Variants in SHISA9 observed in about 807,000 individuals in gnomAD.
SHISA9 encodes the protein protein shisa-9.
In SHISA9, 13 loss-of-function variants were observed where a neutral mutation model predicts 38.0. That is an observed-to-expected ratio of 0.34 (90% CI 0.22 to 0.54). The LOEUF (loss-of-function observed/expected upper bound fraction) is 0.54. SHISA9 is among the 20% of genes least tolerant of loss of function. The pLI is 0.91. For synonymous variants in SHISA9, 275 were observed against 242.0 expected, an observed-to-expected ratio of 1.14 and a Z score of -1.27; for missense variants, 538 against 575.8, an observed-to-expected ratio of 0.93 and a Z score of 0.67.
chr16:13,220,258 G>A (rs2051210260), intron 4 of SHISA9, among the ~76,000 whole-genome samples: 1 of 152,122 alleles, frequency 6.6e-6, no homozygotes, highest in South Asian at 2.1e-4. Context: ...GGTTTTAACT[G>A]GAATGACTTG....
At chr16:13,293,224 G>A in the SHISA9 span, among the ~76,000 whole-genome samples, 40 of 152,030 alleles carry the variant, frequency 2.6e-4, no homozygotes, top group African/African-American at 8.2e-4. Flanking sequence ...TTGTTTATCT[G>A]ACCCACAACA....
At chr16:13,431,249 A>G in the SHISA9 span, among the ~76,000 whole-genome samples, 1 of 152,194 alleles carries the variant, frequency 6.6e-6, no homozygotes, top group African/African-American at 2.4e-5. Flanking sequence ...GCTCTTCTAA[A>G]ACAGAAACTC....
the SHISA9 span, among the ~76,000 whole-genome samples, chr16:13,335,391 G>A: frequency 2.6e-5 from 4 of 152,116 alleles, no homozygotes; most frequent in East Asian, 1.9e-4. Flanking sequence ...TTCTGGTTCC[G>A]CTTCCATCAT....
At chr16:13,477,763 A>T in the SHISA9 span, among the ~76,000 whole-genome samples, 1 of 152,172 alleles carries the variant, frequency 6.6e-6, no homozygotes, top group Non-Finnish European at 1.5e-5. Context: ...TCAGCAGTTC[A>T]AGACCAGCCT....
rs919783242 is a variant in SHISA9, at chr16:13,236,801, A to T, written c.*1392A>T. On this transcript the variant is annotated 3_prime_UTR_variant, in exon 5 of 5. Transcript: ENST00000558583. ...AGTCCTTCCATTTTCTAGCCCTCTCAAACCTGTCAGATGTTTCTTGGTCCC... is the reference window on the plus strand; with the variant it reads ...AGTCCTTCCATTTTCTAGCCCTCTCTAACCTGTCAGATGTTTCTTGGTCCC... 2.6e-5 allele frequency: 4 copies of T among 152,216 alleles called. No homozygotes were observed. Among genetic ancestry groups the T allele is most frequent in the African/African-American group, 9.7e-5 (4 of 41,446 alleles). The allele number at this position is 152,216 out of a possible 1,614,324, so 9.4% of individuals were successfully genotyped here. A position where few individuals can be genotyped will look rare whatever the true frequency, so the allele number is the denominator to read the frequency against.
At chr16:13,112,157 T>C (rs757337805) in intron 2 of SHISA9, among the ~76,000 whole-genome samples, 2 of 152,198 alleles carry the variant, frequency 1.3e-5, no homozygotes, top group Admixed American at 6.5e-5. Context: ...GGTTGTTTCA[T>C]GATTCGTCAG....
the SHISA9 span, among the ~76,000 whole-genome samples, chr16:13,253,300 C>T: frequency 1.3e-5 from 2 of 152,058 alleles, no homozygotes; most frequent in African/African-American, 4.8e-5. Flanking sequence ...TCAACTGTAT[C>T]GTGAGGCTGA....
chr16:13,203,331 G>A (rs1357006904), intron 2 of SHISA9, 63 bp from the exon 3 acceptor site: 7 of 1,386,556 alleles, frequency 5.0e-6, no homozygotes, highest in Non-Finnish European at 5.6e-6. Context: ...ATGTGGTGAT[G>A]GGAGGGAAGG....
chr16:13,397,506 C>G, the SHISA9 span, among the ~76,000 whole-genome samples: 1 of 152,160 alleles, frequency 6.6e-6, no homozygotes, highest in African/African-American at 2.4e-5. Context: ...GCAATCTTGG[C>G]TTACTGCAAT....
chr16:13,547,497 G>A, the SHISA9 span, among the ~76,000 whole-genome samples: 1 of 152,302 alleles, frequency 6.6e-6, no homozygotes, highest in South Asian at 2.1e-4. Flanking sequence ...CCAAAGGCCT[G>A]AGAACCAGGA....
chr16:12,904,071 A>G (rs866106669), intron 1 of SHISA9, among the ~76,000 whole-genome samples: 2 of 152,168 alleles, frequency 1.3e-5, no homozygotes, highest in East Asian at 1.9e-4. Context: ...AGGGGCTTCA[A>G]AGAAACCCTG....
chr16:13,011,915 TC>T (rs2072681586), intron 2 of SHISA9, among the ~76,000 whole-genome samples: 1 of 152,026 alleles, frequency 6.6e-6, no homozygotes, highest in Non-Finnish European at 1.5e-5. Context: ...AACCTCCACT[TC>T]CCAGGTTCAA....
At chr16:13,259,752 A>T in the SHISA9 span, among the ~76,000 whole-genome samples, 1 of 152,176 alleles carries the variant, frequency 6.6e-6, no homozygotes, top group Non-Finnish European at 1.5e-5. Context: ...CCATGGCTGG[A>T]AAGGCTGGGA....
the SHISA9 span, among the ~76,000 whole-genome samples, chr16:13,394,168 C>G: frequency 6.6e-6 from 1 of 152,166 alleles, no homozygotes; most frequent in South Asian, 2.1e-4. Context: ...GAAAAACACA[C>G]CCCACGTAGA....
At chr16:13,214,280 C>T (rs1003406292) in intron 4 of SHISA9, among the ~76,000 whole-genome samples, 7 of 152,188 alleles carry the variant, frequency 4.6e-5, no homozygotes, top group Admixed American at 2.0e-4. Flanking sequence ...CTCACTGCAA[C>T]CTCCTCCGCC....
intron 2 of SHISA9, among the ~76,000 whole-genome samples, chr16:12,959,880 T>C (rs1478918275): frequency 6.6e-6 from 1 of 152,240 alleles, no homozygotes; most frequent in Non-Finnish European, 1.5e-5. Flanking sequence ...AACATAATAC[T>C]GTTTATTTTG....
chr16:13,396,244 C>T, the SHISA9 span, among the ~76,000 whole-genome samples: 1,413 of 152,314 alleles, frequency 9.3e-3, 14 homozygotes, highest in Non-Finnish European at 0.014. Context: ...CAATGGCTCA[C>T]GCCTGTAATC....
chr16:13,255,961 A>C, the SHISA9 span, among the ~76,000 whole-genome samples: 1 of 152,198 alleles, frequency 6.6e-6, no homozygotes, highest in African/African-American at 2.4e-5. Flanking sequence ...TTCCCTGTAG[A>C]ATAAAGAGGT....
At chr16:13,330,809 G>C in the SHISA9 span, among the ~76,000 whole-genome samples, 2 of 152,154 alleles carry the variant, frequency 1.3e-5, no homozygotes, top group Non-Finnish European at 2.9e-5. Context: ...GGAGCCAGCA[G>C]GGATGGGCAC....
Sources: gnomAD v4.1 joint callset for allele counts (sites outside exome capture counted in the v4.1 genomes callset) on GRCh38, gnomAD v4.1.1 for gene constraint, MANE v1.5 for transcripts, NCBI Gene and HGNC (gene_info 2026-07-23, HGNC 2026-07-21) for gene names.